The following COG5 variants were observed in gnomAD, a reference collection of about 807,000 sequenced individuals.
The protein encoded by COG5 is component of oligomeric golgi complex 5, also known as conserved oligomeric Golgi complex subunit 5.
COG5 carries 86 observed loss-of-function variants against 110.4 expected under a neutral mutation model. The observed-to-expected ratio is 0.78, with a 90% confidence interval of 0.65 to 0.93. The LOEUF (loss-of-function observed/expected upper bound fraction) is 0.93. Among genes scored for constraint, COG5 ranks in the 40% least tolerant of loss-of-function variants. The pLI is 0.00. For missense variants in COG5, 1,077 were observed against 987.0 expected (o/e 1.09, Z -1.22); for synonymous variants, 360 against 334.6 (o/e 1.08, Z -0.83).
chr7:107,512,746 A>G (rs1336420539), intron 6 of COG5, among the ~76,000 whole-genome samples: 3 of 152,198 alleles, frequency 2.0e-5, no homozygotes, highest in Admixed American at 1.3e-4. Flanking sequence ...AATGCCGCAT[A>G]TCTACAACCA....
intron 12 of COG5, among the ~76,000 whole-genome samples, chr7:107,294,412 AC>A (rs1488583966): frequency 3.9e-5 from 6 of 152,270 alleles, no homozygotes; most frequent in Admixed American, 2.6e-4. Flanking sequence ...ATCTGGATAA[AC>A]AAAATAGCTT....
At chr7:107,272,655 AT>A (rs796919471) in intron 14 of COG5, among the ~76,000 whole-genome samples, 2 of 152,298 alleles carry the variant, frequency 1.3e-5, no homozygotes, top group African/African-American at 4.8e-5. Context: ...GGATCTACAG[AT>A]CCCCTAAACC....
intron 6 of COG5, among the ~76,000 whole-genome samples, chr7:107,487,734 AG>A (rs1290832525): frequency 2.0e-5 from 3 of 152,124 alleles, no homozygotes; most frequent in African/African-American, 7.2e-5. Flanking sequence ...AAAAAAAAAA[AG>A]TATGACTAAA....
chr7:107,235,133 T>C (rs958552250), intron 18 of COG5, among the ~76,000 whole-genome samples: 1 of 152,158 alleles, frequency 6.6e-6, no homozygotes, highest in South Asian at 2.1e-4. Flanking sequence ...TGAAACAGGC[T>C]CTTGAAAGTT....
chr7:107,419,520 T>C (rs949717263), intron 6 of COG5, among the ~76,000 whole-genome samples: 1 of 151,196 alleles, frequency 6.6e-6, no homozygotes, highest in Non-Finnish European at 1.5e-5. Context: ...ATTTATCAAA[T>C]GAAATAGAGA....
chr7:107,563,096 G>A (rs1804029082), intron 1 of COG5, among the ~76,000 whole-genome samples: 1 of 152,122 alleles, frequency 6.6e-6, no homozygotes, highest in South Asian at 2.1e-4. Flanking sequence ...TAAGAGATTC[G>A]GGACATGGTA....
chr7:107,548,200 T>C lies in COG5; in HGVS notation c.348-20A>G. 6.2e-7 allele frequency: 1 copy of C among 1,610,138 alleles called. No homozygotes were observed. The highest frequency in any genetic ancestry group is 1.7e-4 in the Middle Eastern group (1 of 6,048). The stretch of plus-strand genomic sequence containing the variant: ...TTTATCCTACAGGAAAAGAGAGGAG[T>C]GAGAATAAAATCATTTTCAGAATAT... On this transcript the variant is annotated intron_variant, in intron 4 of 21. Transcript: ENST00000297135.
chr7:107,393,418 A>G (rs537666997), intron 7 of COG5, among the ~76,000 whole-genome samples: 3 of 152,362 alleles, frequency 2.0e-5, no homozygotes, highest in East Asian at 3.9e-4. Flanking sequence ...CCCGTGATCA[A>G]TAACACCTTA....
At chr7:107,466,823 A>G (rs765224874) in intron 6 of COG5, among the ~76,000 whole-genome samples, 2 of 152,224 alleles carry the variant, frequency 1.3e-5, no homozygotes, top group Non-Finnish European at 2.9e-5. Context: ...AATACAGCTT[A>G]AAACTGATTT....
intron 6 of COG5, chr7:107,472,833 T>C (rs1400845404): frequency 1.3e-5 from 2 of 151,954 alleles, no homozygotes; most frequent in Non-Finnish European, 2.9e-5. Flanking sequence ...ATGTTGAATA[T>C]GATTTTGCAG....
At chr7:107,527,093 T>C in intron 6 of COG5, 144 bp downstream of exon 6, 1 of 624,076 alleles carries the variant, frequency 1.6e-6, no homozygotes, top group Non-Finnish European at 2.7e-6. Context: ...TTCTGAGAAG[T>C]GTTACAATAT....
chr7:107,431,315 A>C (rs1344127645), intron 6 of COG5, among the ~76,000 whole-genome samples: 1 of 152,254 alleles, frequency 6.6e-6, no homozygotes, highest in African/African-American at 2.4e-5. Flanking sequence ...AATTATGTCA[A>C]ATAGTTTTAT....
chr7:107,230,507 G>A lies in COG5; in HGVS notation c.2168+108C>T, dbSNP rs1403584865. 4.9e-6 allele frequency: 4 copies of A among 818,748 alleles called. No homozygotes were observed. The East Asian group carries it at 9.8e-5, about 20-fold the overall frequency. The allele number at this position is 818,748 out of a possible 1,614,324, so 50.7% of individuals were successfully genotyped here. On this transcript the variant is annotated intron_variant, in intron 19 of 21. Transcript: ENST00000297135. ...GATGAATCATGAAATTGCCATTGTTGTAGATCAAAAATGGTTGAATATTGG... is the reference window on the plus strand; with the variant it reads ...GATGAATCATGAAATTGCCATTGTTATAGATCAAAAATGGTTGAATATTGG...
At chr7:107,446,555 T>C (rs1453928788) in intron 6 of COG5, among the ~76,000 whole-genome samples, 6 of 152,166 alleles carry the variant, frequency 3.9e-5, no homozygotes, top group Non-Finnish European at 1.5e-5. Flanking sequence ...AACATAACGA[T>C]ACATCATATT....
At chr7:107,356,219 G>A (rs1274508926) in intron 10 of COG5, among the ~76,000 whole-genome samples, 2 of 152,116 alleles carry the variant, frequency 1.3e-5, no homozygotes, top group Non-Finnish European at 2.9e-5. Flanking sequence ...TTTCATCATA[G>A]CTTACAGTGA....
chr7:107,271,487 A>T (rs1035481178), intron 14 of COG5, among the ~76,000 whole-genome samples: 1 of 152,162 alleles, frequency 6.6e-6, no homozygotes, highest in South Asian at 2.1e-4. Flanking sequence ...TTTCAGTGTA[A>T]AGTCTTGCCC....
At chr7:107,426,050 G>A (rs1436602922) in intron 6 of COG5, among the ~76,000 whole-genome samples, 1 of 152,154 alleles carries the variant, frequency 6.6e-6, no homozygotes, top group African/African-American at 2.4e-5. Context: ...CTAGGCAAGA[G>A]GCATGGAACA....
At chr7:107,487,522 T>TATGACTAATA (rs1387041083) in intron 6 of COG5, among the ~76,000 whole-genome samples, 24 of 152,100 alleles carry the variant, frequency 1.6e-4, no homozygotes, top group African/African-American at 5.6e-4. Flanking sequence ...TTTAAATGCT[T>TATGACTAATA]ATGACTAATA....
intron 5 of COG5, among the ~76,000 whole-genome samples, chr7:107,541,523 A>AAAAAGTATAT (rs60423657): frequency 1.8e-5 from 1 of 57,028 alleles, no homozygotes. Context: ...AAAAAAAAAA[A>AAAAAGTATAT]ATATATATAT....
Sources: gnomAD v4.1 joint callset for allele counts (sites outside exome capture counted in the v4.1 genomes callset) on GRCh38, gnomAD v4.1.1 for gene constraint, MANE v1.5 for transcripts, NCBI Gene and HGNC (gene_info 2026-07-23, HGNC 2026-07-21) for gene names.